Variants in SLCO6A1 observed in about 807,000 individuals in gnomAD.
SLCO6A1 encodes cancer/testis antigen 48.
A neutral mutation model predicts 72.7 loss-of-function variants in SLCO6A1; 65 were observed. The ratio of observed to expected loss-of-function variants is 0.89; its 90% confidence interval spans 0.73 to 1.10. SLCO6A1 has a LOEUF of 1.10. SLCO6A1 is among the 50% of genes least tolerant of loss of function. SLCO6A1 has a pLI of 0.00. For synonymous variants in SLCO6A1, 314 were observed against 298.2 expected (o/e 1.05, Z -0.55); for missense variants, 874 against 872.6 (o/e 1.00, Z -0.02).
intron 1 of SLCO6A1, among the ~76,000 whole-genome samples, chr5:102,492,048 A>C (rs1185395457): frequency 2.0e-5 from 3 of 152,202 alleles, no homozygotes; most frequent in Non-Finnish European, 4.4e-5. Context: ...AGTGAAGGGG[A>C]AGTGCTGTAC....
chr5:102,450,592 C>T (rs949812182), intron 6 of SLCO6A1, among the ~76,000 whole-genome samples: 3 of 152,184 alleles, frequency 2.0e-5, no homozygotes, highest in Non-Finnish European at 4.4e-5. Flanking sequence ...TTGGCATTTC[C>T]GGGCTGCGCA....
At chr5:102,378,644 T>A (rs1745935517) in intron 12 of SLCO6A1, among the ~76,000 whole-genome samples, 1 of 152,204 alleles carries the variant, frequency 6.6e-6, no homozygotes, top group Admixed American at 6.5e-5. Context: ...GTGTCTGGTT[T>A]CTTTCATTCA....
chr5:102,395,948 G>T (rs1250164054), intron 10 of SLCO6A1, among the ~76,000 whole-genome samples: 1 of 152,038 alleles, frequency 6.6e-6, no homozygotes, highest in Non-Finnish European at 1.5e-5. Flanking sequence ...TTAGCCCTTT[G>T]TCAGATGAGT....
chr5:102,423,220 G>C (rs1331656301), intron 7 of SLCO6A1, among the ~76,000 whole-genome samples: 1 of 152,058 alleles, frequency 6.6e-6, no homozygotes, highest in Non-Finnish European at 1.5e-5. Flanking sequence ...ATCAACTACT[G>C]TGCAAAATAT....
chr5:102,472,624 TAC>T, intron 4 of SLCO6A1, among the ~76,000 whole-genome samples: 1 of 152,084 alleles, frequency 6.6e-6, no homozygotes, highest in Middle Eastern at 3.4e-3. Flanking sequence ...TAATAGAGAT[TAC>T]AGCAGAAATA....
At chr5:102,385,464 T>C (rs1443173467) in intron 12 of SLCO6A1, among the ~76,000 whole-genome samples, 2 of 152,138 alleles carry the variant, frequency 1.3e-5, no homozygotes, top group East Asian at 3.9e-4. Context: ...CATGGTGTTC[T>C]GTAATTCCAA....
intron 12 of SLCO6A1, among the ~76,000 whole-genome samples, chr5:102,387,018 A>G (rs939555766): frequency 1.3e-5 from 2 of 152,086 alleles, no homozygotes; most frequent in Admixed American, 6.6e-5. Flanking sequence ...TCCATGTGCT[A>G]TATTCTTTCA....
intron 7 of SLCO6A1, among the ~76,000 whole-genome samples, chr5:102,436,851 T>C (rs541176422): frequency 1.3e-5 from 2 of 152,314 alleles, no homozygotes; most frequent in East Asian, 1.9e-4. Context: ...TGTGAACTTA[T>C]ATTCTCATTT....
At chr5:102,380,762 G>A (rs1057084605) in intron 12 of SLCO6A1, among the ~76,000 whole-genome samples, 1 of 151,944 alleles carries the variant, frequency 6.6e-6, no homozygotes, top group South Asian at 2.1e-4. Context: ...TTCAGTTAAT[G>A]TAAATGTAAA....
At chr5:102,483,440 T>C (rs1383622534) in intron 1 of SLCO6A1, among the ~76,000 whole-genome samples, 2 of 152,192 alleles carry the variant, frequency 1.3e-5, no homozygotes, top group African/African-American at 2.4e-5. Context: ...TGCCTCTTAA[T>C]AGTGAGTGGT....
At position 102,474,940 on chromosome 5, in the gene SLCO6A1, T is replaced by C. The variant is rs565411941; in HGVS notation, c.899+757A>G. Among the ~76,000 whole-genome samples the C allele has an allele frequency of 1.9e-3, 289 of 152,022 alleles. 3 individuals are homozygous for C. Among genetic ancestry groups the C allele is most frequent in the African/African-American group, 6.7e-3 (279 of 41,522 alleles). On this transcript the variant is annotated intron_variant, in intron 4 of 13. Coordinates refer to ENST00000506729, the MANE Select transcript of SLCO6A1 (RefSeq NM_173488.5). ...ACAGAAAAAACAAACAAAACAGTAT[T>C]GGTGAGGATGTGGAGAAATTGGAAC...
intron 1 of SLCO6A1, among the ~76,000 whole-genome samples, chr5:102,492,339 A>C (rs1221833670): frequency 6.6e-6 from 1 of 152,180 alleles, no homozygotes; most frequent in East Asian, 1.9e-4. Flanking sequence ...TGCAGCAGAA[A>C]TGAAAAAAAA....
chr5:102,496,298 A>AT (rs1752908030), intron 1 of SLCO6A1, among the ~76,000 whole-genome samples: 1 of 152,234 alleles, frequency 6.6e-6, no homozygotes, highest in African/African-American at 2.4e-5. Context: ...CTGCCTTTGT[A>AT]TCCCTTCTTT....
chr5:102,375,919 A>G (rs1013254347), intron 12 of SLCO6A1, among the ~76,000 whole-genome samples: 2 of 152,158 alleles, frequency 1.3e-5, no homozygotes, highest in Non-Finnish European at 2.9e-5. Context: ...ACATCAACCC[A>G]TGGATCCAAG....
intron 6 of SLCO6A1, among the ~76,000 whole-genome samples, chr5:102,451,507 T>C (rs749629812): frequency 2.6e-5 from 4 of 152,202 alleles, no homozygotes; most frequent in Non-Finnish European, 4.4e-5. Context: ...ATTTGGCATG[T>C]ACCTGAACAG....
At position 102,439,680 on chromosome 5, in the gene SLCO6A1, C is replaced by T. The variant is rs1432958600; in HGVS notation, c.1132-919G>A. Among the ~76,000 whole-genome samples the T allele has an allele frequency of 2.0e-5, 3 of 152,262 alleles. No individual in the cohort carries two copies. The South Asian group carries it at 6.2e-4, about 32-fold the overall frequency. The stretch of plus-strand genomic sequence containing the variant: ...TACATTAAACACCCCTGTGCATGTA[C>T]TTTAAGGTCCAGTGATAGAGTGTCT... On this transcript the variant is annotated intron_variant, in intron 6 of 13. Coordinates refer to ENST00000506729, the MANE Select transcript of SLCO6A1 (RefSeq NM_173488.5).
chr5:102,390,384 A>G (rs1289881139), intron 11 of SLCO6A1, among the ~76,000 whole-genome samples: 1 of 152,216 alleles, frequency 6.6e-6, no homozygotes, highest in Admixed American at 6.6e-5. Flanking sequence ...TCTGATCTCT[A>G]TCAGAGCCGC....
chr5:102,435,529 G>A (rs1368817425), intron 7 of SLCO6A1, among the ~76,000 whole-genome samples: 4 of 152,146 alleles, frequency 2.6e-5, no homozygotes, highest in African/African-American at 9.7e-5. Context: ...TAAGGTAGCA[G>A]GGGTACTAAG....
At chr5:102,399,804 T>C (rs535439516) in intron 9 of SLCO6A1, 62 bp from the exon 10 acceptor site, 10 of 1,224,214 alleles carry the variant, frequency 8.2e-6, no homozygotes, top group South Asian at 7.0e-5. Context: ...AAAGTTCTTA[T>C]CATAAAATAA....
Sources: gnomAD v4.1 joint callset for allele counts (sites outside exome capture counted in the v4.1 genomes callset) on GRCh38, gnomAD v4.1.1 for gene constraint, MANE v1.5 for transcripts, NCBI Gene and HGNC (gene_info 2026-07-23, HGNC 2026-07-21) for gene names.